TMEFF1: variants seen among roughly 807,000 people sequenced by gnomAD.
TMEFF1 encodes the protein tomoregulin-1.
TMEFF1 carries 20 observed loss-of-function variants against 47.5 expected under a neutral mutation model. The observed-to-expected ratio is 0.42, with a 90% CI of 0.30 to 0.61. The LOEUF (loss-of-function observed/expected upper bound fraction) is 0.61. TMEFF1 is among the 20% of genes least tolerant of loss of function. The pLI, the probability that TMEFF1 is intolerant of heterozygous loss-of-function variation, is 0.19. For synonymous variants in TMEFF1, 162 were observed against 166.3 expected (o/e 0.97, Z 0.20); for missense variants, 411 against 471.1 (o/e 0.87, Z 1.18).
intron 1 of TMEFF1, among the ~76,000 whole-genome samples, chr9:100,477,798 T>G (rs9696536): frequency 0.03 from 4,607 of 151,984 alleles, 93 homozygotes; most frequent in African/African-American, 0.038. Context: ...GGCTAATTGT[T>G]TGTATTTTAG....
intron 2 of TMEFF1, among the ~76,000 whole-genome samples, chr9:100,502,616 C>A (rs146031821): frequency 6.6e-6 from 1 of 152,332 alleles, no homozygotes; most frequent in African/African-American, 2.4e-5. Context: ...CCCACCTTGG[C>A]GTCCCAAAGT....
At position 100,514,446 on chromosome 9, in the gene TMEFF1, T is replaced by C. The variant is rs1208366262; in HGVS notation, c.463+1113T>C. Among the ~76,000 whole-genome samples, 3 of 152,090 alleles carry C rather than the reference T, an allele frequency of 2.0e-5. No homozygotes were observed. The East Asian group carries it at 5.8e-4, about 29-fold the overall frequency. On this transcript the variant is annotated intron_variant, in intron 4 of 9. Transcript: ENST00000374879. Reference sequence around the variant, plus strand: ...CCAGATCTTAGAGCTGGAACAGATTTTAGGCGATCATGTAGTCTAGCCCCT... The same window carrying C: ...CCAGATCTTAGAGCTGGAACAGATTCTAGGCGATCATGTAGTCTAGCCCCT...
intron 4 of TMEFF1, among the ~76,000 whole-genome samples, chr9:100,513,786 T>A (rs1838011411): frequency 6.6e-6 from 1 of 152,176 alleles, no homozygotes; most frequent in African/African-American, 2.4e-5. Context: ...TTTCAAGTTT[T>A]TGCTCATCAG....
At chr9:100,530,587 A>G (rs1284899676) in intron 5 of TMEFF1, among the ~76,000 whole-genome samples, 1 of 152,174 alleles carries the variant, frequency 6.6e-6, no homozygotes, top group East Asian at 1.9e-4. Flanking sequence ...AATTGTGGCA[A>G]TAATCAATAG....
At chr9:100,562,851 C>T (rs1477936743) in intron 8 of TMEFF1, among the ~76,000 whole-genome samples, 4 of 151,270 alleles carry the variant, frequency 2.6e-5, no homozygotes, top group Non-Finnish European at 5.9e-5. Flanking sequence ...TGGAGTCTCG[C>T]TCTGTCACCA....
At chr9:100,523,684 C>T (rs1325819289) in intron 5 of TMEFF1, among the ~76,000 whole-genome samples, 1 of 152,104 alleles carries the variant, frequency 6.6e-6, no homozygotes, top group African/African-American at 2.4e-5. Flanking sequence ...GCTAAATAAA[C>T]TTACTATATT....
intron 4 of TMEFF1, among the ~76,000 whole-genome samples, chr9:100,513,982 A>G (rs1239422608): frequency 6.6e-6 from 1 of 152,236 alleles, no homozygotes; most frequent in African/African-American, 2.4e-5. Context: ...AATATTTGGT[A>G]ATAGCATATA....
intron 1 of TMEFF1, among the ~76,000 whole-genome samples, chr9:100,489,760 ATTAATT>A (rs1313592682): frequency 1.3e-5 from 2 of 152,220 alleles, no homozygotes; most frequent in African/African-American, 2.4e-5. Context: ...ATTTTTCATC[ATTAATT>A]TTAATAACCG....
At chr9:100,518,331 A>T (rs1423727237) in intron 5 of TMEFF1, 3 of 516,684 alleles carry the variant, frequency 5.8e-6, no homozygotes, top group African/African-American at 2.1e-5. Flanking sequence ...TATGTAGCCT[A>T]TTCCCAATCA....
At chr9:100,570,203 C>T (rs56290508) in intron 8 of TMEFF1, among the ~76,000 whole-genome samples, 6,653 of 152,092 alleles carry the variant, frequency 0.044, 309 homozygotes, top group South Asian at 0.21. Flanking sequence ...AGATTAAATC[C>T]ATATCTTAGC....
At chr9:100,512,066 A>G (rs1312191516) in intron 3 of TMEFF1, among the ~76,000 whole-genome samples, 1 of 152,218 alleles carries the variant, frequency 6.6e-6, no homozygotes, top group Non-Finnish European at 1.5e-5. Flanking sequence ...CGCATTTACC[A>G]TGGTGCCTGG....
At chr9:100,476,945 C>T (rs1024627458) in intron 1 of TMEFF1, among the ~76,000 whole-genome samples, 2 of 152,164 alleles carry the variant, frequency 1.3e-5, no homozygotes, top group Non-Finnish European at 2.9e-5. Flanking sequence ...ATCTGCCAGC[C>T]TCGGCCTCCC....
At chr9:100,533,996 C>T (rs772520918) in intron 5 of TMEFF1, among the ~76,000 whole-genome samples, 38 of 152,192 alleles carry the variant, frequency 2.5e-4, no homozygotes, top group Admixed American at 7.9e-4. Flanking sequence ...GGATTACAGG[C>T]GTGAGCCACC....
intron 1 of TMEFF1, among the ~76,000 whole-genome samples, chr9:100,492,631 T>C (rs374803858): frequency 6.6e-6 from 1 of 151,982 alleles, no homozygotes; most frequent in East Asian, 1.9e-4. Context: ...GACTGGGCAG[T>C]AGGAGAAGGA....
intron 5 of TMEFF1, among the ~76,000 whole-genome samples, chr9:100,533,078 G>A (rs1187268282): frequency 7.4e-6 from 1 of 134,364 alleles, no homozygotes; most frequent in Non-Finnish European, 1.6e-5. Flanking sequence ...TCACACTCTG[G>A]GGACTATTGT....
intron 2 of TMEFF1, among the ~76,000 whole-genome samples, chr9:100,505,836 G>A (rs1442410955): frequency 6.6e-6 from 1 of 152,216 alleles, no homozygotes; most frequent in Non-Finnish European, 1.5e-5. Context: ...AGTGGGATTG[G>A]AAAGTTCATA....
At chr9:100,481,306 TGCCCAGA>T (rs1837334457) in intron 1 of TMEFF1, among the ~76,000 whole-genome samples, 1 of 152,254 alleles carries the variant, frequency 6.6e-6, no homozygotes, top group South Asian at 2.1e-4. Context: ...GTATTGACAG[TGCCCAGA>T]TTGGTGTCTG....
intron 3 of TMEFF1, among the ~76,000 whole-genome samples, chr9:100,510,059 C>T (rs1837934544): frequency 6.6e-6 from 1 of 152,184 alleles, no homozygotes; most frequent in Non-Finnish European, 1.5e-5. Flanking sequence ...GGGATTTCCA[C>T]TTCCTTTCTT....
At chr9:100,556,610 T>C (rs897630474) in intron 7 of TMEFF1, among the ~76,000 whole-genome samples, 2 of 152,186 alleles carry the variant, frequency 1.3e-5, no homozygotes, top group Non-Finnish European at 2.9e-5. Context: ...TAGAATAAAC[T>C]GTATTATGAG....
Sources: allele counts gnomAD v4.1 joint callset (sites outside exome capture counted in the v4.1 genomes callset), GRCh38; gene constraint gnomAD v4.1.1; transcripts MANE v1.5; gene names NCBI Gene and HGNC (gene_info 2026-07-23, HGNC 2026-07-21).